Variants in SLC35E2B observed in about 807,000 individuals in gnomAD.
The protein encoded by SLC35E2B is solute carrier family 35, member E2B.
Under a neutral mutation model 32.4 loss-of-function variants are expected in SLC35E2B, and 18 were observed. The observed-to-expected ratio is 0.56, with a 90% CI of 0.38 to 0.82. The LOEUF is 0.82. Among genes scored for constraint, SLC35E2B ranks in the 40% least tolerant of loss-of-function variants. The pLI is 0.00. For synonymous variants in SLC35E2B, 132 were observed against 209.1 expected (o/e 0.63, Z 3.18); for missense variants, 263 against 469.5 (o/e 0.56, Z 4.06).
Position 1,663,025 on chromosome 1 carries a change from A to T in SLC35E2B, c.*2757T>A, listed in dbSNP as rs1483860608. The stretch of plus-strand genomic sequence containing the variant: ...CTGTGCTGGGAATGCCATGAAGACC[A>T]GCGGCTGGAAACTGACTTGGGCATG... On this transcript the variant is annotated 3_prime_UTR_variant, in exon 10 of 10. Transcript: ENST00000617444. The T allele has an allele frequency of 1.1e-6, 1 of 949,316 alleles. No individual in the cohort carries two copies. Among genetic ancestry groups the T allele is most frequent in the Non-Finnish European group, 1.3e-6 (1 of 797,288 alleles). 58.8% of individuals were successfully genotyped at this position (949,316 alleles called of 1,614,324 possible). A position where few individuals can be genotyped will look rare whatever the true frequency, so the allele number is the denominator to read the frequency against.
In SLC35E2B at chr1:1,671,535, G is replaced by T; in HGVS notation, c.681C>A (p.Ala227=). 2 of 1,548,332 alleles carry T rather than the reference G, an allele frequency of 1.3e-6. 1 individual carries two copies. Among genetic ancestry groups the T allele is most frequent in the South Asian group, 2.4e-5 (2 of 83,328 alleles). ...AGTCCATGATGTTGGTGGACAGTGC[G>T]GCCGAGAACCCCAGGACATTGAAGC... is the stretch of plus-strand genomic sequence containing the variant. ...EISFNVLGFS[A]ALSTNIMDCL... The change falls in exon 6 of 10, where the codon GCC becomes GCA. Residue 227 remains alanine, a synonymous_variant. Transcript: ENST00000617444.
At chr1:1,673,796 T>C (rs1370057134) in intron 5 of SLC35E2B, among the ~76,000 whole-genome samples, 2 of 151,714 alleles carry the variant, frequency 1.3e-5, no homozygotes, top group Non-Finnish European at 2.9e-5. Context: ...ACCCAGTCTC[T>C]ACTAAAAATA....
chr1:1,664,498 G>T lies in SLC35E2B; in HGVS notation c.*1284C>A. 1 of 916,366 alleles carries T rather than the reference G, an allele frequency of 1.1e-6. No individual in the cohort carries two copies. Among genetic ancestry groups the T allele is most frequent in the South Asian group, 4.9e-5 (1 of 20,446 alleles). 56.8% of individuals were successfully genotyped at this position (916,366 alleles called of 1,614,324 possible). A position where few individuals can be genotyped will look rare whatever the true frequency, so the allele number is the denominator to read the frequency against. On this transcript the variant is annotated 3_prime_UTR_variant, in exon 10 of 10. Coordinates refer to ENST00000617444, the MANE Select transcript of SLC35E2B (RefSeq NM_001290264.2). ...GGCTGGCTGGCAACAGGCTGCACCG[G>T]GCATGGGAATCCGCCAGCTGCGAGA...
Position 1,671,536 on chromosome 1 carries a change from G to T in SLC35E2B, c.680C>A (p.Ala227Asp). ...GTCCATGATGTTGGTGGACAGTGCG[G>T]CCGAGAACCCCAGGACATTGAAGCT... Reference protein sequence around the residue: ...EISFNVLGFSAALSTNIMDCL... With the variant: ...EISFNVLGFSDALSTNIMDCL... Residue 227 changes from alanine (A) to aspartate (D), a missense_variant, in exon 6 of 10, where the codon GCC (alanine) becomes GAC (aspartate). By Grantham distance (126) the Ala-to-Asp change is moderately radical (BLOSUM62 -2). Around this residue, in one of 7 missense-constraint regions of SLC35E2B, gnomAD observed 129 missense variants for 164.5 expected, o/e 0.78. Transcript: ENST00000617444. 6.5e-7 allele frequency: 1 copy of T among 1,548,502 alleles called. No homozygotes were observed. The highest frequency in any genetic ancestry group is 8.7e-7 in the Non-Finnish European group (1 of 1,145,664).
At chr1:1,679,485 A>G (rs1159489216) in intron 2 of SLC35E2B, among the ~76,000 whole-genome samples, 2 of 152,064 alleles carry the variant, frequency 1.3e-5, no homozygotes, top group Non-Finnish European at 2.9e-5. Context: ...GAAACAAAAA[A>G]ACAGAAATCA....
intron 2 of SLC35E2B, among the ~76,000 whole-genome samples, chr1:1,685,375 T>C (rs1441405949): frequency 1.4e-5 from 2 of 138,424 alleles, no homozygotes; most frequent in African/African-American, 2.8e-5. Flanking sequence ...ATCTCACCAC[T>C]GCACTCCAGC....
chr1:1,673,452 G>C (rs550185426), intron 5 of SLC35E2B: 3 of 286,504 alleles, frequency 1.0e-5, no homozygotes, highest in Non-Finnish European at 2.1e-5. Context: ...GGCAGATCAC[G>C]AGGTCAGGAG....
intron 5 of SLC35E2B, chr1:1,673,350 A>G (rs577305283): frequency 4.3e-6 from 2 of 468,908 alleles, no homozygotes; most frequent in East Asian, 1.3e-4. Flanking sequence ...TACAGCAGTG[A>G]GGGAAACTGA....
chr1:1,678,478 G>C (rs1643872630), intron 2 of SLC35E2B, among the ~76,000 whole-genome samples: 1 of 151,978 alleles, frequency 6.6e-6, no homozygotes, highest in Admixed American at 6.6e-5. Context: ...GTGTGTGTCT[G>C]TGCACCCAGG....
intron 9 of SLC35E2B, among the ~76,000 whole-genome samples, chr1:1,667,222 C>G (rs1005844059): frequency 6.8e-6 from 1 of 147,532 alleles, no homozygotes; most frequent in Non-Finnish European, 1.5e-5. Context: ...CTGGCTAACA[C>G]GGTGAAACCC....
chr1:1,684,825 A>C lies in SLC35E2B; in HGVS notation c.-148+6151T>G, dbSNP rs376486592. Among the ~76,000 whole-genome samples, 25 of 138,830 alleles carry C rather than the reference A, an allele frequency of 1.8e-4. No homozygotes were observed. The South Asian group carries it at 5.8e-3, about 32-fold the overall frequency. The allele number at this position is 138,830 out of a possible 152,430, so 91.1% of individuals were successfully genotyped here. A position where few individuals can be genotyped will look rare whatever the true frequency, so the allele number is the denominator to read the frequency against. On this transcript the variant is annotated intron_variant, in intron 2 of 9. Transcript: ENST00000617444. ...AAAAAAAAAAAAAAACAGGACAGCC[A>C]GCGGGTGCAGTGGTTCCCACCTGTA...
At position 1,667,791 on chromosome 1, in the gene SLC35E2B, G is replaced by T. The variant is rs1265038403; in HGVS notation, c.980+536C>A. On this transcript the variant is annotated intron_variant, in intron 9 of 9. Coordinates refer to ENST00000617444, the MANE Select transcript of SLC35E2B (RefSeq NM_001290264.2). ...TTCAAACGCAGAGACTTCTAGTGGA[G>T]ATTTCCCTAAATACCTATTTCACAC... Among the ~76,000 whole-genome samples, 2 of 151,864 alleles carry T rather than the reference G, an allele frequency of 1.3e-5. 1 individual carries two copies. The highest frequency in any genetic ancestry group is 2.9e-5 in the Non-Finnish European group (2 of 67,986).
intron 2 of SLC35E2B, among the ~76,000 whole-genome samples, chr1:1,687,317 C>CTG (rs1436521571): frequency 6.6e-6 from 1 of 152,210 alleles, no homozygotes; most frequent in Non-Finnish European, 1.5e-5. Context: ...TGGCTCACGC[C>CTG]TGTAATCCTA....
chr1:1,665,758 GC>G lies in SLC35E2B; in HGVS notation c.*23del, dbSNP rs1350283909. 3.9e-6 allele frequency: 6 copies of G among 1,547,274 alleles called. No individual in the cohort carries two copies. The highest frequency in any genetic ancestry group is 4.4e-6 in the Non-Finnish European group (5 of 1,144,738). ...TGGGGGATGCAGTGTCACGAGGACA[GC>G]AGCAGCTGGCAGCTTCCTGCTCTCA... On this transcript the variant is annotated 3_prime_UTR_variant, in exon 10 of 10. Transcript: ENST00000617444.
chr1:1,670,184 C>T, intron 6 of SLC35E2B, 33 bp from the exon 7 acceptor site: 2 of 1,480,258 alleles, frequency 1.4e-6, no homozygotes, highest in Non-Finnish European at 1.8e-6. Context: ...TGCATCAATA[C>T]TAGTCCTCGG....
intron 5 of SLC35E2B, 62 bp from the exon 6 acceptor site, chr1:1,671,691 C>T: frequency 2.1e-6 from 3 of 1,412,694 alleles, no homozygotes; most frequent in Non-Finnish European, 2.8e-6. Context: ...CTCCCGAGGG[C>T]CAGGCTGTTT....
At chr1:1,687,245 C>T (rs984822315) in intron 2 of SLC35E2B, among the ~76,000 whole-genome samples, 5 of 152,228 alleles carry the variant, frequency 3.3e-5, no homozygotes, top group South Asian at 2.1e-4. Context: ...CTGCACAGCG[C>T]GCTCCCAGCG....
intron 2 of SLC35E2B, among the ~76,000 whole-genome samples, chr1:1,687,510 C>T (rs184210892): frequency 2.0e-5 from 3 of 152,170 alleles, no homozygotes; most frequent in South Asian, 2.1e-4. Context: ...GAGGCCGAGA[C>T]GGGCAGATCA....
chr1:1,686,358 A>G (rs1386715475), intron 2 of SLC35E2B, among the ~76,000 whole-genome samples: 10 of 145,528 alleles, frequency 6.9e-5, no homozygotes, highest in Middle Eastern at 3.6e-3. Flanking sequence ...ATGGGTTAGA[A>G]TTCCGGATTG....
Sources: allele counts gnomAD v4.1 joint callset (sites outside exome capture counted in the v4.1 genomes callset), GRCh38; gene constraint gnomAD v4.1.1; regional missense constraint gnomAD v4.1.1; transcripts MANE v1.5; gene names NCBI Gene and HGNC (gene_info 2026-07-23, HGNC 2026-07-21).